PCMTD1: variants seen among roughly 807,000 people sequenced by gnomAD.
PCMTD1 encodes the protein protein-L-isoaspartate (D-aspartate) O-methyltransferase domain containing 1.
Under a neutral mutation model 37.6 loss-of-function variants are expected in PCMTD1, and 12 were observed. The observed-to-expected ratio is 0.32, with a 90% CI of 0.20 to 0.52. The LOEUF (loss-of-function observed/expected upper bound fraction) is 0.52, where lower values mean the gene tolerates loss of function less well. Among genes scored for constraint, PCMTD1 ranks in the 20% least tolerant of loss-of-function variants. PCMTD1 has a pLI of 0.97. For synonymous variants in PCMTD1, 117 were observed against 135.8 expected, an observed-to-expected ratio of 0.86 and a Z score of 0.96; for missense variants, 235 against 421.3, an observed-to-expected ratio of 0.56 and a Z score of 3.87.
intron 1 of PCMTD1, among the ~76,000 whole-genome samples, chr8:51,893,594 C>T (rs746010712): frequency 1.3e-5 from 2 of 152,110 alleles, no homozygotes; most frequent in African/African-American, 4.8e-5. Context: ...TCTGACTCAA[C>T]AGCATGGAAA....
At chr8:51,852,578 G>T (rs149678519) in intron 2 of PCMTD1, among the ~76,000 whole-genome samples, 1 of 152,010 alleles carries the variant, frequency 6.6e-6, no homozygotes, top group Non-Finnish European at 1.5e-5. Flanking sequence ...CCTATAAAGC[G>T]GTATGTATTT....
intron 3 of PCMTD1, 45 bp downstream of exon 3, chr8:51,845,616 T>A (rs779235686): frequency 6.2e-5 from 82 of 1,318,608 alleles, no homozygotes; most frequent in Non-Finnish European, 8.5e-5. Flanking sequence ...GTTGCATGTA[T>A]CTATTAAGTG....
intron 1 of PCMTD1, among the ~76,000 whole-genome samples, chr8:51,892,247 T>TA (rs1298061600): frequency 2.0e-5 from 3 of 152,206 alleles, no homozygotes; most frequent in Non-Finnish European, 4.4e-5. Flanking sequence ...ACGTTAAATA[T>TA]ACTAGCATAG....
At chr8:51,869,302 T>G (rs886948801) in intron 1 of PCMTD1, among the ~76,000 whole-genome samples, 2 of 152,290 alleles carry the variant, frequency 1.3e-5, no homozygotes, top group East Asian at 3.9e-4. Context: ...GATAATCTCA[T>G]TTCAATCATG....
At chr8:51,897,524 A>T (rs975368816) in intron 1 of PCMTD1, among the ~76,000 whole-genome samples, 6 of 152,072 alleles carry the variant, frequency 3.9e-5, no homozygotes, top group Non-Finnish European at 5.9e-5. Flanking sequence ...AAAATGAAAT[A>T]AAAAAAACCA....
intron 1 of PCMTD1, among the ~76,000 whole-genome samples, chr8:51,867,226 T>C (rs765609980): frequency 6.6e-6 from 1 of 152,096 alleles, no homozygotes; most frequent in Non-Finnish European, 1.5e-5. Context: ...AAGAGAACCC[T>C]TGTGAACTGT....
intron 1 of PCMTD1, among the ~76,000 whole-genome samples, chr8:51,898,302 A>C (rs185245003): frequency 2.0e-4 from 30 of 152,240 alleles, no homozygotes; most frequent in African/African-American, 6.7e-4. Flanking sequence ...GGTCCTCCCC[A>C]TGCCGGTGTC....
At position 51,833,446 on chromosome 8, in the gene PCMTD1, A is replaced by C. The variant is rs1585793005; in HGVS notation, c.582+72T>G. On this transcript the variant is annotated intron_variant, in intron 4 of 5. Transcript: ENST00000522514. ...AAAAGTTACAATATACCTTTCACTG[A>C]ATAAAATTTCTTAACCTTAAACAAA... is the stretch of plus-strand genomic sequence containing the variant. 7.1e-6 allele frequency: 9 copies of C among 1,273,326 alleles called. No individual in the cohort carries two copies. The East Asian group carries it at 2.2e-4, about 31-fold the overall frequency. 78.9% of individuals were successfully genotyped at this position (1,273,326 alleles called of 1,614,324 possible).
At chr8:51,892,404 A>G (rs557932568) in intron 1 of PCMTD1, among the ~76,000 whole-genome samples, 1 of 152,230 alleles carries the variant, frequency 6.6e-6, no homozygotes, top group African/African-American at 2.4e-5. Flanking sequence ...AACTCTTCCA[A>G]CTCGATTGTC....
intron 1 of PCMTD1, among the ~76,000 whole-genome samples, chr8:51,872,023 T>G (rs893427719): frequency 6.6e-6 from 1 of 152,214 alleles, no homozygotes; most frequent in African/African-American, 2.4e-5. Context: ...CCACTTGGCT[T>G]GGAAACAGTG....
chr8:51,820,748 AAATATTAAC>A (rs1436439574), intron 5 of PCMTD1, 30 bp from the exon 6 acceptor site: 61 of 1,539,914 alleles, frequency 4.0e-5, no homozygotes, highest in Non-Finnish European at 5.2e-5. Flanking sequence ...GCAAGAAAGA[AAATATTAAC>A]AATAAAACAT....
chr8:51,878,328 A>G (rs2038744152), intron 1 of PCMTD1, among the ~76,000 whole-genome samples: 1 of 146,922 alleles, frequency 6.8e-6, no homozygotes, highest in Non-Finnish European at 1.5e-5. Flanking sequence ...TCTTTTTCCA[A>G]TGTGGCCTGG....
intron 5 of PCMTD1, among the ~76,000 whole-genome samples, chr8:51,822,308 GTATAA>G (rs955943007): frequency 6.6e-6 from 1 of 151,992 alleles, no homozygotes; most frequent in African/African-American, 2.4e-5. Context: ...CAAATTTCAG[GTATAA>G]TATATTTTGA....
intron 3 of PCMTD1, among the ~76,000 whole-genome samples, chr8:51,834,159 G>C (rs956709388): frequency 1.3e-5 from 2 of 152,162 alleles, no homozygotes; most frequent in Non-Finnish European, 2.9e-5. Flanking sequence ...CAAAGTGGGA[G>C]AGCTTTATCA....
Position 51,820,529 on chromosome 8 carries a change from G to A in PCMTD1, c.896C>T (p.Pro299Leu). ...TTTTTCATCCTCTTCACTGTCTAGA[G>A]GCTGAGGAATAAGCTGATTACCCAC... ...VFVGNQLIPQ[P>L]LDSEEDEKME... The change falls in exon 6 of 6, where the codon CCT becomes CTT. Residue 299 changes from proline (P) to leucine (L), a missense_variant. By Grantham distance (98) the Pro-to-Leu change is moderately conservative (BLOSUM62 -3). Coordinates refer to ENST00000522514, the MANE Select transcript of PCMTD1 (RefSeq NM_052937.4). 1 of 1,612,878 alleles carries A rather than the reference G, an allele frequency of 6.2e-7. No homozygotes were observed.
At chr8:51,898,084 A>C (rs6473663) in intron 1 of PCMTD1, among the ~76,000 whole-genome samples, 145,793 of 152,136 alleles carry the variant, frequency 0.96, 70,005 homozygotes, top group East Asian at 1. Context: ...TCAAGGAGCA[A>C]GCAGTACTTT....
intron 1 of PCMTD1, among the ~76,000 whole-genome samples, chr8:51,864,551 C>T (rs1010209655): frequency 1.3e-5 from 2 of 152,068 alleles, no homozygotes; most frequent in African/African-American, 4.8e-5. Context: ...AAACCAGAAA[C>T]CAGTAACAGG....
At chr8:51,888,865 C>T (rs558414246) in intron 1 of PCMTD1, among the ~76,000 whole-genome samples, 73 of 152,310 alleles carry the variant, frequency 4.8e-4, no homozygotes, top group African/African-American at 1.6e-3. Flanking sequence ...TTATGAGGAA[C>T]AGTATGATAA....
chr8:51,862,196 G>A (rs1337970800), intron 1 of PCMTD1, among the ~76,000 whole-genome samples: 1 of 152,030 alleles, frequency 6.6e-6, no homozygotes, highest in Admixed American at 6.6e-5. Context: ...CATATTACTC[G>A]AAACACTGAA....
Sources: gnomAD v4.1 joint callset for allele counts (sites outside exome capture counted in the v4.1 genomes callset) on GRCh38, gnomAD v4.1.1 for gene constraint, MANE v1.5 for transcripts, NCBI Gene and HGNC (gene_info 2026-07-23, HGNC 2026-07-21) for gene names.